PPP6R2: variants seen among roughly 807,000 people sequenced by gnomAD.
PPP6R2 encodes the protein serine/threonine-protein phosphatase 6 regulatory subunit 2.
Under a neutral mutation model 100.2 loss-of-function variants are expected in PPP6R2, and 62 were observed. That is an observed-to-expected ratio of 0.62 (90% CI 0.50 to 0.76). The LOEUF is 0.76. Among genes scored for constraint, PPP6R2 ranks in the 30% least tolerant of loss-of-function variants. The pLI, the probability that PPP6R2 is intolerant of heterozygous loss-of-function variation, is 0.00. For missense variants in PPP6R2, 1,142 were observed against 1,276.3 expected, an observed-to-expected ratio of 0.89 and a Z score of 1.60; for synonymous variants, 525 against 514.7, an observed-to-expected ratio of 1.02 and a Z score of -0.27.
At chr22:50,402,496 G>T (rs2058220319) in intron 3 of PPP6R2, among the ~76,000 whole-genome samples, 1 of 152,106 alleles carries the variant, frequency 6.6e-6, no homozygotes, top group Admixed American at 6.5e-5. Context: ...CCAAATCAGT[G>T]TCCAGGCCTC....
intron 2 of PPP6R2, chr22:50,393,451 A>G (rs1361239921): frequency 2.9e-5 from 29 of 984,962 alleles, no homozygotes; most frequent in Non-Finnish European, 3.5e-5. Context: ...GACACATGGG[A>G]GAGACACCTG....
chr22:50,443,715 TG>T, intron 22 of PPP6R2, 150 bp from the exon 23 acceptor site: 2 of 1,149,062 alleles, frequency 1.7e-6, no homozygotes, highest in Non-Finnish European at 2.4e-6. Context: ...GGGCACAACC[TG>T]GGCCACCCCA....
At chr22:50,408,926 C>T (rs1007950876) in intron 4 of PPP6R2, among the ~76,000 whole-genome samples, 4 of 152,146 alleles carry the variant, frequency 2.6e-5, no homozygotes, top group African/African-American at 7.2e-5. Flanking sequence ...ACCAGCCTGA[C>T]CAACGTGGAG....
chr22:50,393,839 C>G, intron 2 of PPP6R2, 54 bp from the exon 3 acceptor site: 1 of 1,603,288 alleles, frequency 6.2e-7, no homozygotes, highest in Non-Finnish European at 8.5e-7. Flanking sequence ...TCTAGTGTTG[C>G]TGAAGGTGGA....
At chr22:50,346,667 GTCA>G (rs1168873992) in intron 1 of PPP6R2, among the ~76,000 whole-genome samples, 5 of 134,668 alleles carry the variant, frequency 3.7e-5, no homozygotes, top group African/African-American at 1.5e-4. Context: ...CCCCTTGCAA[GTCA>G]TGCTCCTCCT....
chr22:50,340,159 G>GTA (rs2042356181), upstream of PPP6R2, among the ~76,000 whole-genome samples: 2 of 122,788 alleles, frequency 1.6e-5, no homozygotes, highest in East Asian at 2.7e-4. Flanking sequence ...TGTGTAGGGC[G>GTA]TGTGGTGTGT....
At chr22:50,359,536 T>C (rs2047372086) in intron 1 of PPP6R2, among the ~76,000 whole-genome samples, 1 of 151,678 alleles carries the variant, frequency 6.6e-6, no homozygotes, top group Non-Finnish European at 1.5e-5. Context: ...TTTTTTTTTA[T>C]GATGAAAAAG....
intron 1 of PPP6R2, among the ~76,000 whole-genome samples, chr22:50,364,097 A>G (rs1323848319): frequency 6.6e-6 from 1 of 151,914 alleles, no homozygotes; most frequent in African/African-American, 2.4e-5. Context: ...GGGTTGCACC[A>G]TGTTAACCAG....
rs1291148460 is a variant in PPP6R2 at position 50,444,315 on chromosome 22, G to C, written c.*68G>C. 1.4e-6 allele frequency: 2 copies of C among 1,472,546 alleles called. No individual in the cohort carries two copies. The highest frequency in any genetic ancestry group is 4.8e-5 in the East Asian group (2 of 41,794). 91.2% of individuals were successfully genotyped at this position (1,472,546 alleles called of 1,614,324 possible). ...TCCTTAATCGAGAAAACTACCTGGT[G>C]ATGCAATCTTTTTTTTTTTTAATTT... On this transcript the variant is annotated 3_prime_UTR_variant, in exon 24 of 24. Coordinates refer to ENST00000612753, the MANE Select transcript of PPP6R2 (RefSeq NM_001242898.2).
intron 1 of PPP6R2, among the ~76,000 whole-genome samples, chr22:50,370,626 A>G (rs1036966614): frequency 6.7e-6 from 1 of 148,652 alleles, no homozygotes; most frequent in African/African-American, 2.5e-5. Flanking sequence ...AGTAGGACCT[A>G]TTTCTTTTTT....
upstream of PPP6R2, among the ~76,000 whole-genome samples, chr22:50,340,079 GGT>G (rs953492563): frequency 1.5e-4 from 21 of 143,290 alleles, no homozygotes; most frequent in Non-Finnish European, 2.7e-4. Context: ...ATGTGTGTGT[GGT>G]GTGTGTGGTA....
intron 8 of PPP6R2, among the ~76,000 whole-genome samples, chr22:50,420,917 C>G (rs1437557402): frequency 6.6e-6 from 1 of 152,256 alleles, no homozygotes; most frequent in African/African-American, 2.4e-5. Context: ...GGGACGATGT[C>G]TAACTCTCCC....
rs557421738 is a variant in PPP6R2 at position 50,442,302 on chromosome 22, AGCACCAG to A, written c.2579+1279_2579+1285del. On this transcript the variant is annotated intron_variant, in intron 22 of 23. Coordinates refer to ENST00000612753, the MANE Select transcript of PPP6R2 (RefSeq NM_001242898.2). ...TCTCCCCCAGCCAAGCTGCAAGCTC[AGCACCAG>A]GCTGGCTCTCCCCGCCCTGTTGACC... Among the ~76,000 whole-genome samples the A allele has an allele frequency of 2.0e-4, 30 of 152,328 alleles. No homozygotes were observed. In the East Asian group the frequency reaches 4.1e-3, roughly 21 times the overall value.
intron 2 of PPP6R2, among the ~76,000 whole-genome samples, chr22:50,390,675 CAT>C (rs2055289771): frequency 6.6e-6 from 1 of 151,234 alleles, no homozygotes; most frequent in African/African-American, 2.4e-5. Flanking sequence ...AAAGAGAAGA[CAT>C]AACAATCCTA....
intron 9 of PPP6R2, 90 bp downstream of exon 9, chr22:50,422,470 G>A (rs2061465724): frequency 1.3e-6 from 2 of 1,526,234 alleles, no homozygotes; most frequent in African/African-American, 1.4e-5. Context: ...TTGTCCCATA[G>A]GTAGCAGAGT....
chr22:50,434,337 G>T lies in PPP6R2; in HGVS notation c.1401-629G>T, dbSNP rs2063726780. On this transcript the variant is annotated intron_variant, in intron 12 of 23. Transcript: ENST00000612753. Reference sequence around the variant, plus strand: ...ATTTGCTCTGGAGGTGAACCTGGAGGAGGGCCGGGGGCATGGATGCTGGGC... The same window carrying T: ...ATTTGCTCTGGAGGTGAACCTGGAGTAGGGCCGGGGGCATGGATGCTGGGC... 2.9e-5 allele frequency among the ~76,000 whole-genome samples: 2 copies of T among 68,500 alleles called. 1 individual carries two copies. Among genetic ancestry groups the T allele is most frequent in the Admixed American group, 2.5e-4 (2 of 7,992 alleles). The allele number at this position is 68,500 out of a possible 152,430, so 44.9% of individuals were successfully genotyped here.
chr22:50,392,245 T>C (rs1340650084), intron 2 of PPP6R2, among the ~76,000 whole-genome samples: 1 of 151,538 alleles, frequency 6.6e-6, no homozygotes, highest in Non-Finnish European at 1.5e-5. Flanking sequence ...TCAGTGCCTG[T>C]AATCCCAGCA....
At chr22:50,424,532 G>A (rs2061797271) in intron 10 of PPP6R2, among the ~76,000 whole-genome samples, 1 of 151,128 alleles carries the variant, frequency 6.6e-6, no homozygotes, top group Non-Finnish European at 1.5e-5. Context: ...TGGAACGTCT[G>A]TCAGCGTGTA....
intron 2 of PPP6R2, among the ~76,000 whole-genome samples, chr22:50,376,395 T>C (rs1200537291): frequency 6.6e-6 from 1 of 152,112 alleles, no homozygotes; most frequent in African/African-American, 2.4e-5. Flanking sequence ...TTGGAATTGT[T>C]AGAAACAGAC....
Sources: gnomAD v4.1 joint callset for allele counts (sites outside exome capture counted in the v4.1 genomes callset) on GRCh38, gnomAD v4.1.1 for gene constraint, MANE v1.5 for transcripts, NCBI Gene and HGNC (gene_info 2026-07-23, HGNC 2026-07-21) for gene names.